The following AKAP10 variants were observed in gnomAD, a reference collection of about 807,000 sequenced individuals.
AKAP10 encodes A-kinase anchoring protein 10, also known as A-kinase anchor protein 10, mitochondrial.
Under a neutral mutation model 80.8 loss-of-function variants are expected in AKAP10, and 24 were observed. That is an observed-to-expected ratio of 0.30 (90% CI 0.22 to 0.42). The LOEUF is 0.42. Ranked by LOEUF, AKAP10 falls within the 10% of genes least tolerant of loss-of-function variation. AKAP10 has a pLI of 1.00. For synonymous variants in AKAP10, 291 were observed against 277.7 expected, an observed-to-expected ratio of 1.05 and a Z score of -0.48; for missense variants, 661 against 794.9, an observed-to-expected ratio of 0.83 and a Z score of 2.03.
intron 12 of AKAP10, among the ~76,000 whole-genome samples, chr17:19,912,739 CTG>C (rs1229592400): frequency 6.6e-6 from 1 of 152,100 alleles, no homozygotes; most frequent in Non-Finnish European, 1.5e-5. Context: ...GTCTTTTCCT[CTG>C]TGCTCTATTA....
intron 10 of AKAP10, among the ~76,000 whole-genome samples, chr17:19,925,196 T>C (rs1159304680): frequency 2.6e-5 from 4 of 152,058 alleles, no homozygotes; most frequent in African/African-American, 7.2e-5. Flanking sequence ...ATAAAATGTA[T>C]AATGTATGAA....
Position 19,931,841 on chromosome 17 carries a change from C to T in AKAP10, c.1605G>A (p.Glu535=). 6.2e-7 allele frequency: 1 copy of T among 1,614,106 alleles called. No homozygotes were observed. The highest frequency in any genetic ancestry group is 8.5e-7 in the Non-Finnish European group (1 of 1,180,042). The change falls in exon 10 of 15, where the codon GAG becomes GAA. Residue 535 remains glutamate (E), a synonymous_variant. Transcript: ENST00000225737. The stretch of plus-strand genomic sequence containing the variant: ...AGCTGTCAGAACTCCCTGGGTGAGA[C>T]TCATCAGGAGGGCCAACAGAGCCAG... ...TAPGSVGPPD[E]SHPGSSDSSA... is the part of the protein sequence containing the mutation.
intron 1 of AKAP10, among the ~76,000 whole-genome samples, chr17:19,973,949 A>C (rs546883728): frequency 3.4e-4 from 52 of 152,356 alleles, no homozygotes. Flanking sequence ...CATGCCTGTA[A>C]TCCCAGCCTT....
intron 1 of AKAP10, 148 bp from the exon 2 acceptor site, chr17:19,968,609 T>G (rs11658169): frequency 6.7e-6 from 4 of 594,802 alleles, no homozygotes; most frequent in African/African-American, 3.7e-5. Context: ...AGGAGGGTAG[T>G]TGTCAGCAAA....
At chr17:19,923,579 T>G (rs1437651691) in intron 11 of AKAP10, among the ~76,000 whole-genome samples, 1 of 151,938 alleles carries the variant, frequency 6.6e-6, no homozygotes. Context: ...CAGGCTGGAG[T>G]GCAGTGGCAC....
chr17:19,971,825 A>G (rs2043501666), intron 1 of AKAP10, among the ~76,000 whole-genome samples: 1 of 152,122 alleles, frequency 6.6e-6, no homozygotes, highest in Non-Finnish European at 1.5e-5. Context: ...AATTATGTGC[A>G]TTTTTTTCAG....
chr17:19,935,062 T>G (rs879392688), intron 9 of AKAP10, among the ~76,000 whole-genome samples: 5 of 152,150 alleles, frequency 3.3e-5, no homozygotes, highest in African/African-American at 4.8e-5. Flanking sequence ...GTTAGGCTGC[T>G]TGCCATTGTG....
intron 12 of AKAP10, among the ~76,000 whole-genome samples, chr17:19,913,153 G>GTTTT (rs71357404): frequency 1.8e-5 from 2 of 108,954 alleles, no homozygotes; most frequent in Non-Finnish European, 3.7e-5. Context: ...CTGGCTAATT[G>GTTTT]TTTTTTTTTT....
At chr17:19,920,286 C>T (rs2042795706) in intron 11 of AKAP10, among the ~76,000 whole-genome samples, 168 bp from the exon 12 acceptor site, 1 of 152,128 alleles carries the variant, frequency 6.6e-6, no homozygotes, top group South Asian at 2.1e-4. Context: ...CATTGCTGCA[C>T]AGAAAGCAAG....
intron 5 of AKAP10, chr17:19,947,148 G>A (rs547058037): frequency 7.9e-5 from 34 of 432,284 alleles, no homozygotes; most frequent in African/African-American, 5.5e-4. Context: ...CCGCCGGCCC[G>A]GCTGCTCAGC....
chr17:19,907,463 T>G (rs1453966405), intron 14 of AKAP10, among the ~76,000 whole-genome samples: 1 of 149,134 alleles, frequency 6.7e-6, no homozygotes, highest in African/African-American at 2.5e-5. Context: ...CAGGCTGGAG[T>G]ACAAGTGGCA....
chr17:19,933,697 C>A (rs1216415957), intron 9 of AKAP10, among the ~76,000 whole-genome samples: 1 of 152,116 alleles, frequency 6.6e-6, no homozygotes, highest in Non-Finnish European at 1.5e-5. Context: ...TTACTACTAG[C>A]TATTTAATGA....
intron 4 of AKAP10, among the ~76,000 whole-genome samples, chr17:19,953,865 G>A (rs1481744012): frequency 6.6e-6 from 1 of 151,992 alleles, no homozygotes; most frequent in African/African-American, 2.4e-5. Context: ...AACCCTGTCT[G>A]CATTAAAAAT....
At chr17:19,947,176 A>G (rs1391633045) in intron 5 of AKAP10, 2 of 492,936 alleles carry the variant, frequency 4.1e-6, no homozygotes, top group Non-Finnish European at 7.3e-6. Flanking sequence ...AGGCCTGAGC[A>G]CCCGCTACAC....
chr17:19,932,772 T>A (rs1302300367), intron 9 of AKAP10, among the ~76,000 whole-genome samples: 1 of 152,072 alleles, frequency 6.6e-6, no homozygotes, highest in African/African-American at 2.4e-5. Flanking sequence ...TAGCAATATA[T>A]CAAAATATCT....
chr17:19,940,538 TTAC>T (rs1260844274), intron 7 of AKAP10, among the ~76,000 whole-genome samples: 3 of 152,164 alleles, frequency 2.0e-5, no homozygotes, highest in Admixed American at 2.0e-4. Flanking sequence ...AAGAAAAAAT[TTAC>T]TACTTTTTTT....
At chr17:19,943,886 T>C (rs974346750) in intron 5 of AKAP10, among the ~76,000 whole-genome samples, 5 of 152,130 alleles carry the variant, frequency 3.3e-5, no homozygotes, top group African/African-American at 1.2e-4. Context: ...TGGTGTTCAC[T>C]GAACAATCAT....
At chr17:19,973,328 T>C (rs1177531400) in intron 1 of AKAP10, among the ~76,000 whole-genome samples, 1 of 152,200 alleles carries the variant, frequency 6.6e-6, no homozygotes, top group Non-Finnish European at 1.5e-5. Context: ...TGTTTACATA[T>C]TGTCTATGGC....
intron 1 of AKAP10, among the ~76,000 whole-genome samples, chr17:19,977,143 G>C (rs1380369422): frequency 1.3e-5 from 2 of 152,134 alleles, no homozygotes; most frequent in Admixed American, 1.3e-4. Context: ...CCCCCAAAGA[G>C]GAAATTGGAA....
Sources: gnomAD v4.1 joint callset for allele counts (sites outside exome capture counted in the v4.1 genomes callset) on GRCh38, gnomAD v4.1.1 for gene constraint, MANE v1.5 for transcripts, NCBI Gene and HGNC (gene_info 2026-07-23, HGNC 2026-07-21) for gene names.